MFSD11: variants seen among roughly 807,000 people sequenced by gnomAD.
MFSD11 encodes UNC93-like protein MFSD11.
A neutral mutation model predicts 53.5 loss-of-function variants in MFSD11; 36 were observed. The ratio of observed to expected loss-of-function variants is 0.67; its 90% confidence interval spans 0.52 to 0.89. The LOEUF is 0.89. Ranked by LOEUF, MFSD11 falls within the 40% of genes least tolerant of loss-of-function variation. The pLI, the probability that MFSD11 is intolerant of heterozygous loss-of-function variation, is 0.00. For missense variants in MFSD11, 530 were observed against 543.9 expected (o/e 0.97, Z 0.25); for synonymous variants, 186 against 184.9 (o/e 1.01, Z -0.05).
chr17:76,796,917 T>C, the MFSD11 span, among the ~76,000 whole-genome samples: 2 of 151,556 alleles, frequency 1.3e-5, no homozygotes, highest in South Asian at 2.1e-4. Flanking sequence ...TGCCTGTAAT[T>C]GCAGCACTTT....
chr17:76,750,635 C>A (rs1203347942), intron 7 of MFSD11, among the ~76,000 whole-genome samples: 1 of 151,704 alleles, frequency 6.6e-6, no homozygotes, highest in Non-Finnish European at 1.5e-5. Context: ...GGATTACAGG[C>A]GTGAGCCACC....
At position 76,738,188 on chromosome 17, in the gene MFSD11, C is replaced by T. The variant is rs771209831; in HGVS notation, c.-165C>T. 104 of 613,642 alleles carry T rather than the reference C, an allele frequency of 1.7e-4. 2 individuals carry two copies. In the East Asian group the frequency reaches 2.8e-3, roughly 16 times the overall value. The allele number at this position is 613,642 out of a possible 1,614,324, so 38.0% of individuals were successfully genotyped here. On this transcript the variant is annotated 5_prime_UTR_variant, in exon 1 of 13. Coordinates refer to ENST00000685175, the MANE Select transcript of MFSD11 (RefSeq NM_001242532.5). ...CCGGTGGGGAGAACTTCGCCCTAAA[C>T]CTGGGGTTCCGATCCAGGAACTGGA...
Position 76,744,512 on chromosome 17 carries a change from G to A in MFSD11, c.641+46G>A, listed in dbSNP as rs542067099. On this transcript the variant is annotated intron_variant, in intron 7 of 12. Transcript: ENST00000685175. ...TATTTTATTTTAAAATAGATTTTGAGTAGATCTAGTCTAGAGATTACCAAC... is the reference window on the plus strand; with the variant it reads ...TATTTTATTTTAAAATAGATTTTGAATAGATCTAGTCTAGAGATTACCAAC... 33 of 1,554,698 alleles carry A rather than the reference G, an allele frequency of 2.1e-5. No homozygotes were observed. In the Middle Eastern group the frequency reaches 1.2e-3, roughly 57 times the overall value.
At chr17:76,741,139 A>G (rs2078047606) in intron 3 of MFSD11, 75 bp downstream of exon 3, 3 of 976,560 alleles carry the variant, frequency 3.1e-6, no homozygotes, top group Non-Finnish European at 5.0e-6. Flanking sequence ...AAACTTCACA[A>G]TAATTTATAG....
At chr17:76,774,207 T>G (rs1393881778) in intron 10 of MFSD11, among the ~76,000 whole-genome samples, 1 of 152,202 alleles carries the variant, frequency 6.6e-6, no homozygotes, top group Non-Finnish European at 1.5e-5. Context: ...ATTACAGGTG[T>G]AAGCCACTGT....
chr17:76,789,945 CTT>C, the MFSD11 span, among the ~76,000 whole-genome samples: 8 of 150,224 alleles, frequency 5.3e-5, no homozygotes, highest in African/African-American at 1.5e-4. Flanking sequence ...AGATAATTAA[CTT>C]TGAAAAGTTA....
At chr17:76,764,560 A>G (rs1264024815) in intron 8 of MFSD11, among the ~76,000 whole-genome samples, 1 of 152,256 alleles carries the variant, frequency 6.6e-6, no homozygotes, top group Non-Finnish European at 1.5e-5. Context: ...AGGTTCATCC[A>G]CGTTGCCCTA....
rs537099363 is a variant in MFSD11, at chr17:76,739,542, T to C, written c.152+549T>C. Among the ~76,000 whole-genome samples, 7 of 152,374 alleles carry C rather than the reference T, an allele frequency of 4.6e-5. No individual in the cohort carries two copies. In the East Asian group the frequency reaches 1.3e-3, roughly 29 times the overall value. On this transcript the variant is annotated intron_variant, in intron 2 of 12. Coordinates refer to ENST00000685175, the MANE Select transcript of MFSD11 (RefSeq NM_001242532.5). The stretch of plus-strand genomic sequence containing the variant: ...CCTGAGAATGTAATATGTACAGGTA[T>C]ATATACACAAACAGGTTTTTCTTTT...
chr17:76,782,474 CT>C (rs33999736), downstream of MFSD11, among the ~76,000 whole-genome samples: 491 of 76,170 alleles, frequency 6.4e-3, 2 homozygotes, highest in African/African-American at 0.025. Context: ...CGCGCCCAGG[CT>C]TTTTTTTTTT....
chr17:76,760,533 T>G (rs1051339181), intron 8 of MFSD11, among the ~76,000 whole-genome samples: 9 of 151,920 alleles, frequency 5.9e-5, no homozygotes, highest in African/African-American at 1.7e-4. Flanking sequence ...CTTTCTTTTT[T>G]TTTTTTAAAC....
At chr17:76,757,388 A>G (rs574917260) in intron 8 of MFSD11, among the ~76,000 whole-genome samples, 1 of 152,276 alleles carries the variant, frequency 6.6e-6, no homozygotes, top group East Asian at 1.9e-4. Flanking sequence ...TTCCTGGGCA[A>G]TTGGGGCACA....
rs1159131964 is a variant in MFSD11, at chr17:76,759,756, C to CTTTT, written c.682+5696_682+5699dup. The stretch of plus-strand genomic sequence containing the variant: ...ACAGGTGTGAGCCACCGTGACCGGC[C>CTTTT]TTTTTTTTTTTTTTTTTTTTTTTTT... On this transcript the variant is annotated intron_variant, in intron 8 of 12. Transcript: ENST00000685175. Among the ~76,000 whole-genome samples the CTTTT allele has an allele frequency of 3.9e-3, 104 of 27,012 alleles. 15 individuals carry two copies. Among genetic ancestry groups the CTTTT allele is most frequent in the African/African-American group, 6.0e-3 (38 of 6,290 alleles). 17.7% of individuals were successfully genotyped at this position (27,012 alleles called of 152,430 possible). A position where few individuals can be genotyped will look rare whatever the true frequency, so the allele number is the denominator to read the frequency against.
the MFSD11 span, among the ~76,000 whole-genome samples, chr17:76,800,558 T>C: frequency 2.6e-5 from 4 of 152,338 alleles, no homozygotes; most frequent in African/African-American, 9.6e-5. Context: ...AATCTTTTTT[T>C]CAAGAAAGAA....
intron 8 of MFSD11, 103 bp downstream of exon 8, chr17:76,754,190 T>G: frequency 1.2e-6 from 1 of 866,852 alleles, no homozygotes; most frequent in Non-Finnish European, 1.9e-6. Context: ...CACCCCAGGG[T>G]TTGCATTTTT....
At chr17:76,800,346 G>A in the MFSD11 span, among the ~76,000 whole-genome samples, 3,465 of 152,118 alleles carry the variant, frequency 0.023, 137 homozygotes, top group African/African-American at 0.078. Flanking sequence ...CCTTAAGGGA[G>A]GTAAAAAGTC....
chr17:76,800,415 TG>T, the MFSD11 span, among the ~76,000 whole-genome samples: 2 of 152,160 alleles, frequency 1.3e-5, no homozygotes, highest in African/African-American at 2.4e-5. Context: ...AGGGAAGCAT[TG>T]CCTCTGTAAT....
At chr17:76,762,084 C>T (rs1371176324) in intron 8 of MFSD11, among the ~76,000 whole-genome samples, 2 of 152,062 alleles carry the variant, frequency 1.3e-5, no homozygotes, top group Non-Finnish European at 2.9e-5. Flanking sequence ...CTTCTCATTC[C>T]AGCCTCCTAA....
chr17:76,741,359 G>A (rs1370497520), intron 3 of MFSD11, among the ~76,000 whole-genome samples: 2 of 152,056 alleles, frequency 1.3e-5, no homozygotes, highest in South Asian at 4.1e-4. Flanking sequence ...AAAATATGTG[G>A]GGATTCAAAT....
At position 76,738,989 on chromosome 17, in the gene MFSD11, AC is replaced by A. The variant is rs780344831; in HGVS notation, c.150del (p.Ser51AlafsTer14). 6.2e-7 allele frequency: 1 copy of A among 1,612,750 alleles called. No homozygotes were observed. The highest frequency in any genetic ancestry group is 2.2e-5 in the East Asian group (1 of 44,884). On this transcript the variant is annotated frameshift_variant, in exon 2 of 13. Coordinates refer to ENST00000685175, the MANE Select transcript of MFSD11 (RefSeq NM_001242532.5). LOFTEE classifies it high-confidence loss of function. ...NRTDFHGSGY[T>X]SMAIIYGVFS... is the part of the protein sequence containing the mutation. ...GACAGATTTTCACGGCAGTGGATATACCAGGTATTGTACCGTATGATTGATT... is the reference window on the plus strand; with the variant it reads ...GACAGATTTTCACGGCAGTGGATATACAGGTATTGTACCGTATGATTGATT...
Sources: allele counts gnomAD v4.1 joint callset (sites outside exome capture counted in the v4.1 genomes callset), GRCh38; gene constraint gnomAD v4.1.1; transcripts MANE v1.5; gene names NCBI Gene and HGNC (gene_info 2026-07-23, HGNC 2026-07-21).